Variants in SYN2 observed in about 807,000 individuals in gnomAD.
The protein encoded by SYN2 is synapsin-2.
A neutral mutation model predicts 50.9 loss-of-function variants in SYN2; 19 were observed. The ratio of observed to expected loss-of-function variants is 0.37; its 90% confidence interval spans 0.26 to 0.55. The LOEUF (loss-of-function observed/expected upper bound fraction) is 0.55, where lower values mean the gene tolerates loss of function less well. Among genes scored for constraint, SYN2 ranks in the 20% least tolerant of loss-of-function variants. The probability of loss-of-function intolerance (pLI) is 0.81; values close to 1 mark genes in which losing one functional copy is unlikely to be tolerated. For synonymous variants in SYN2, 255 were observed against 224.9 expected (o/e 1.13, Z -1.20); for missense variants, 587 against 576.4 (o/e 1.02, Z -0.19).
At chr3:12,141,649 T>C (rs549035718) in intron 2 of SYN2, among the ~76,000 whole-genome samples, 3 of 152,324 alleles carry the variant, frequency 2.0e-5, no homozygotes, top group Non-Finnish European at 4.4e-5. Context: ...CTCCTTTCTC[T>C]GCCAATGATA....
rs367995182 is a variant in SYN2, at chr3:12,183,366, C to A, written c.1363C>A (p.Pro455Thr). The change falls in exon 11 of 13, where the codon CCT (proline) becomes ACT (threonine). Residue 455 changes from proline to threonine, a missense_variant. Coordinates refer to ENST00000621198, the MANE Select transcript of SYN2 (RefSeq NM_133625.6). The stretch of plus-strand genomic sequence containing the variant: ...CAAGACCCCACCTCAGCGGCCACCC[C>A]CTCAAGGTTGTTTACAGTATATTCT... ...SSKTPPQRPP[P>T]QGGPGQPQGM... 47 of 1,613,892 alleles carry A rather than the reference C, an allele frequency of 2.9e-5. No individual in the cohort carries two copies. In the East Asian group the frequency reaches 4.5e-4, roughly 15 times the overall value.
chr3:12,071,650 A>G, intron 1 of SYN2: 1 of 323,314 alleles, frequency 3.1e-6, no homozygotes, highest in South Asian at 2.8e-5. Context: ...GGCTGTTGTA[A>G]GAACGTGCTT....
At chr3:12,185,694 G>A (rs1698328794) in intron 11 of SYN2, 1 of 985,736 alleles carries the variant, frequency 1.0e-6, no homozygotes, top group African/African-American at 1.7e-5. Context: ...CTCTTGTACA[G>A]CTTAATGTGC....
At chr3:12,098,278 C>T (rs999955028) in intron 1 of SYN2, among the ~76,000 whole-genome samples, 3 of 152,112 alleles carry the variant, frequency 2.0e-5, no homozygotes, top group Non-Finnish European at 4.4e-5. Flanking sequence ...CTGTTTCTAA[C>T]AACATTTTTC....
intron 10 of SYN2, among the ~76,000 whole-genome samples, chr3:12,178,221 G>A (rs185238295): frequency 4.0e-4 from 61 of 152,276 alleles, no homozygotes; most frequent in Middle Eastern, 3.4e-3. Flanking sequence ...CTTTCCTGGG[G>A]CCAGACCCTG....
chr3:12,179,711 A>G (rs757222813), intron 10 of SYN2, among the ~76,000 whole-genome samples: 10 of 152,162 alleles, frequency 6.6e-5, no homozygotes, highest in Non-Finnish European at 1.2e-4. Flanking sequence ...TAACCATCCT[A>G]TTTGCTCCAT....
chr3:12,045,253 A>G (rs1694709501), intron 1 of SYN2, among the ~76,000 whole-genome samples: 1 of 152,148 alleles, frequency 6.6e-6, no homozygotes, highest in African/African-American at 2.4e-5. Context: ...CTGCTTAATG[A>G]CTGAGATGTG....
chr3:12,023,362 C>T (rs955417616), intron 1 of SYN2, among the ~76,000 whole-genome samples: 3 of 140,252 alleles, frequency 2.1e-5, no homozygotes, highest in East Asian at 3.0e-4. Context: ...GTAGTATTTT[C>T]CCCCCCCACC....
chr3:12,022,710 T>G (rs1162574328), intron 1 of SYN2, among the ~76,000 whole-genome samples: 2 of 150,676 alleles, frequency 1.3e-5, no homozygotes, highest in East Asian at 3.9e-4. Context: ...GCCTGGCCTA[T>G]TCTTTAAATT....
intron 1 of SYN2, chr3:12,070,072 T>G (rs1695311204): frequency 4.2e-6 from 1 of 240,764 alleles, no homozygotes; most frequent in African/African-American, 2.3e-5. Flanking sequence ...AGTGCTGAGA[T>G]GATAGGCATA....
intron 4 of SYN2, among the ~76,000 whole-genome samples, chr3:12,147,624 G>C (rs760054813): frequency 6.6e-6 from 1 of 152,082 alleles, no homozygotes; most frequent in African/African-American, 2.4e-5. Context: ...CCCGGTACTT[G>C]TCAGAATTTG....
chr3:12,122,231 T>C (rs111258682), intron 1 of SYN2, among the ~76,000 whole-genome samples: 16 of 152,202 alleles, frequency 1.1e-4, no homozygotes, highest in Non-Finnish European at 1.6e-4. Flanking sequence ...TGTCTAAAGC[T>C]CAGAAAAAAG....
intron 1 of SYN2, among the ~76,000 whole-genome samples, chr3:12,113,260 T>C (rs993693617): frequency 6.6e-6 from 1 of 152,176 alleles, no homozygotes; most frequent in Admixed American, 6.5e-5. Flanking sequence ...AACCCAATAG[T>C]TGCTGCCCTT....
chr3:12,164,919 A>G (rs1276917595), intron 7 of SYN2, among the ~76,000 whole-genome samples: 1 of 152,046 alleles, frequency 6.6e-6, no homozygotes, highest in Non-Finnish European at 1.5e-5. Flanking sequence ...CATAGAGGTC[A>G]TAGAGGTTAT....
intron 5 of SYN2, chr3:12,157,604 G>T: frequency 1.1e-6 from 1 of 876,806 alleles, no homozygotes; most frequent in Non-Finnish European, 1.8e-6. Flanking sequence ...GTGTGGCTGG[G>T]TTGTGAGCAA....
At chr3:12,062,545 A>G (rs557881115) in intron 1 of SYN2, among the ~76,000 whole-genome samples, 4 of 152,154 alleles carry the variant, frequency 2.6e-5, no homozygotes, top group African/African-American at 9.6e-5. Flanking sequence ...TATAGAAGAC[A>G]TTGTTAAGAG....
chr3:12,035,048 A>G (rs975693558), intron 1 of SYN2, among the ~76,000 whole-genome samples: 1 of 152,216 alleles, frequency 6.6e-6, no homozygotes, highest in Admixed American at 6.5e-5. Flanking sequence ...CCAAAATATA[A>G]TGGTGGGACA....
chr3:12,077,061 T>G (rs1486108458), intron 1 of SYN2, among the ~76,000 whole-genome samples: 1 of 152,138 alleles, frequency 6.6e-6, no homozygotes, highest in East Asian at 1.9e-4. Flanking sequence ...TTTTCCTGAT[T>G]AACTTTACTA....
intron 10 of SYN2, among the ~76,000 whole-genome samples, chr3:12,171,007 C>A (rs1697924899): frequency 6.6e-6 from 1 of 152,166 alleles, no homozygotes; most frequent in African/African-American, 2.4e-5. Context: ...CTGAAAATTT[C>A]TTTGAGTAGA....
Sources: gnomAD v4.1 joint callset for allele counts (sites outside exome capture counted in the v4.1 genomes callset) on GRCh38, gnomAD v4.1.1 for gene constraint, MANE v1.5 for transcripts, NCBI Gene and HGNC (gene_info 2026-07-23, HGNC 2026-07-21) for gene names.